The following MCTP2 variants were observed in gnomAD, a reference collection of about 807,000 sequenced individuals.
MCTP2 encodes multiple C2 and transmembrane domain containing 2, also known as multiple C2 and transmembrane domain-containing protein 2.
Under a neutral mutation model 111.6 loss-of-function variants are expected in MCTP2, and 132 were observed. That is an observed-to-expected ratio of 1.18 (90% CI 1.03 to 1.37). The LOEUF (loss-of-function observed/expected upper bound fraction) is 1.37. Ranked by LOEUF, MCTP2 falls within the 40% of genes most tolerant of loss-of-function variation. The probability of loss-of-function intolerance (pLI) is 0.00; values close to 1 mark genes in which losing one functional copy is unlikely to be tolerated. For missense variants in MCTP2, 1,183 were observed against 1,067.9 expected, an observed-to-expected ratio of 1.11 and a Z score of -1.50; for synonymous variants, 395 against 387.7, an observed-to-expected ratio of 1.02 and a Z score of -0.22.
At chr15:94,361,665 T>A (rs1237200804) in intron 10 of MCTP2, among the ~76,000 whole-genome samples, 4 of 152,176 alleles carry the variant, frequency 2.6e-5, no homozygotes, top group African/African-American at 9.7e-5. Flanking sequence ...TTTAAGAAAA[T>A]AAGATATGAC....
chr15:94,276,252 GA>G (rs1436963354), intron 1 of MCTP2, among the ~76,000 whole-genome samples: 1 of 152,072 alleles, frequency 6.6e-6, no homozygotes, highest in African/African-American at 2.4e-5. Context: ...ACAGGACAGA[GA>G]TTAAAACAGC....
chr15:94,476,070 G>A (rs1167219589), intron 21 of MCTP2, among the ~76,000 whole-genome samples: 1 of 152,166 alleles, frequency 6.6e-6, no homozygotes, highest in Admixed American at 6.5e-5. Context: ...CAGCATCAAA[G>A]TACAATCAAC....
chr15:94,389,174 G>A (rs936249544), intron 14 of MCTP2, among the ~76,000 whole-genome samples: 4 of 151,304 alleles, frequency 2.6e-5, no homozygotes, highest in African/African-American at 9.7e-5. Flanking sequence ...GGTCAGGGGT[G>A]AGTGGCGTGT....
intron 17 of MCTP2, among the ~76,000 whole-genome samples, chr15:94,428,165 CTTTGATA>C (rs1272331843): frequency 6.6e-6 from 1 of 152,030 alleles, no homozygotes; most frequent in Non-Finnish European, 1.5e-5. Flanking sequence ...TGAAGTATAT[CTTTGATA>C]TTTAAGTTCA....
At chr15:94,306,990 C>T (rs544032762) in intron 2 of MCTP2, among the ~76,000 whole-genome samples, 90 of 151,968 alleles carry the variant, frequency 5.9e-4, no homozygotes, top group African/African-American at 1.3e-3. Context: ...TGTGTGATCT[C>T]GAAAGTCGTA....
Position 94,298,369 on chromosome 15 carries a change from C to T in MCTP2, c.104C>T (p.Pro35Leu). Residue 35 changes from proline (P) to leucine (L), a missense_variant, in exon 2 of 23, where the codon CCC (proline) becomes CTC (leucine). By Grantham distance (98) the Pro-to-Leu change is moderately conservative (BLOSUM62 -3). Transcript: ENST00000357742. ...AAGGTGAAAAAGAACCCAAGTAAGC[C>T]CCCAGATCTACGGGCAAGGCATCAC... Reference protein sequence around the residue: ...KKKVKKNPSKPPDLRARHHLD... With the variant: ...KKKVKKNPSKLPDLRARHHLD... 1 of 1,614,080 alleles carries T rather than the reference C, an allele frequency of 6.2e-7. No homozygotes were observed. Among genetic ancestry groups the T allele is most frequent in the Non-Finnish European group, 8.5e-7 (1 of 1,180,008 alleles).
chr15:94,419,972 C>T (rs1288800363), intron 17 of MCTP2, among the ~76,000 whole-genome samples: 6 of 152,092 alleles, frequency 3.9e-5, no homozygotes, highest in Admixed American at 3.9e-4. Context: ...AAATGCTTTA[C>T]TTTAAAGCTT....
At chr15:94,243,704 T>C (rs1227369712) in intron 1 of MCTP2, among the ~76,000 whole-genome samples, 6 of 123,702 alleles carry the variant, frequency 4.9e-5, no homozygotes, top group East Asian at 5.6e-4. Flanking sequence ...TATGCGTATA[T>C]ACACATATAT....
chr15:94,350,445 C>T (rs1411700371), intron 8 of MCTP2, among the ~76,000 whole-genome samples: 1 of 152,158 alleles, frequency 6.6e-6, no homozygotes, highest in Admixed American at 6.5e-5. Flanking sequence ...AAAAATACTC[C>T]TGTAGTCCAA....
At position 94,246,921 on chromosome 15, in the gene MCTP2, A is replaced by T. The variant is rs568886184; in HGVS notation, c.-66+15257A>T. ...AGATGCTACTGTAATGGAATGCCTT[A>T]TAAATACTAATGAGTGCTGACTGCC... is the stretch of plus-strand genomic sequence containing the variant. On this transcript the variant is annotated intron_variant, in intron 1 of 22. Transcript: ENST00000357742. Among the ~76,000 whole-genome samples the T allele has an allele frequency of 2.6e-5, 4 of 152,336 alleles. No individual in the cohort carries two copies. In the East Asian group the frequency reaches 7.7e-4, roughly 29 times the overall value.
At chr15:94,392,188 G>A (rs573985041) in intron 14 of MCTP2, among the ~76,000 whole-genome samples, 7 of 152,042 alleles carry the variant, frequency 4.6e-5, no homozygotes, top group African/African-American at 1.7e-4. Context: ...TGGCTAACCC[G>A]GTGAAACCCT....
intron 17 of MCTP2, among the ~76,000 whole-genome samples, chr15:94,413,346 A>G (rs1342832221): frequency 6.6e-6 from 1 of 152,192 alleles, no homozygotes; most frequent in Admixed American, 6.5e-5. Flanking sequence ...AATATTCTGT[A>G]GCACATTCTT....
chr15:94,413,273 A>G (rs544944977), intron 17 of MCTP2, among the ~76,000 whole-genome samples: 82 of 152,270 alleles, frequency 5.4e-4, no homozygotes, highest in African/African-American at 1.9e-3. Context: ...AAATTATTAC[A>G]TTAGTAAAAA....
chr15:94,252,283 A>G lies in MCTP2; in HGVS notation c.-66+20619A>G, dbSNP rs140182269. On this transcript the variant is annotated intron_variant, in intron 1 of 22. Transcript: ENST00000357742. Reference sequence around the variant, plus strand: ...CTCTAGAGTCTTGCCAACACTTGCCATTTTCTGTTTTGTTGTTGTTGATAG... The same window carrying G: ...CTCTAGAGTCTTGCCAACACTTGCCGTTTTCTGTTTTGTTGTTGTTGATAG... 1.2e-4 allele frequency among the ~76,000 whole-genome samples: 18 copies of G among 152,168 alleles called. No homozygotes were observed. The East Asian group carries it at 3.5e-3, about 29-fold the overall frequency.
chr15:94,325,768 T>A (rs2076833709), intron 4 of MCTP2, among the ~76,000 whole-genome samples: 1 of 150,006 alleles, frequency 6.7e-6, no homozygotes, highest in African/African-American at 2.5e-5. Flanking sequence ...GGCACACCAC[T>A]AGGCCTTACC....
chr15:94,303,202 A>G (rs1327268983), intron 2 of MCTP2, among the ~76,000 whole-genome samples: 1 of 114,978 alleles, frequency 8.7e-6, no homozygotes, highest in Non-Finnish European at 2.0e-5. Context: ...TGTTTATTAA[A>G]TATTATCTCA....
intron 22 of MCTP2, among the ~76,000 whole-genome samples, chr15:94,478,260 C>A (rs894502472): frequency 1.3e-5 from 2 of 152,176 alleles, no homozygotes; most frequent in African/African-American, 4.8e-5. Context: ...CAGTCACTAG[C>A]CCTCAAAGTG....
chr15:94,239,797 C>T (rs541416800), intron 1 of MCTP2, among the ~76,000 whole-genome samples: 19 of 152,166 alleles, frequency 1.2e-4, no homozygotes, highest in Non-Finnish European at 2.1e-4. Context: ...CCAAAAGACA[C>T]GGTGGGGCTT....
chr15:94,469,807 G>A (rs1343206368), intron 20 of MCTP2, among the ~76,000 whole-genome samples: 2 of 152,042 alleles, frequency 1.3e-5, no homozygotes, highest in African/African-American at 2.4e-5. Flanking sequence ...GGGGGGTCGA[G>A]GCTGCAGTGA....
Sources: allele counts gnomAD v4.1 joint callset (sites outside exome capture counted in the v4.1 genomes callset), GRCh38; gene constraint gnomAD v4.1.1; transcripts MANE v1.5; gene names NCBI Gene and HGNC (gene_info 2026-07-23, HGNC 2026-07-21).